The following RRP7A variants were observed in gnomAD, a reference collection of about 807,000 sequenced individuals.
RRP7A encodes the protein ribosomal RNA processing 7 homolog A.
A neutral mutation model predicts 38.4 loss-of-function variants in RRP7A; 27 were observed. That is an observed-to-expected ratio of 0.70 (90% confidence interval 0.52 to 0.97). The LOEUF is 0.97. Ranked by LOEUF, RRP7A falls within the 50% of genes least tolerant of loss-of-function variation. The pLI is 0.00. For synonymous variants in RRP7A, 124 were observed against 150.3 expected (o/e 0.83, Z 1.28); for missense variants, 327 against 375.4 (o/e 0.87, Z 1.07).
rs529516307 is a variant in RRP7A, at chr22:42,509,571, T to C, written c.*3339A>G. Among the ~76,000 whole-genome samples the C allele has an allele frequency of 2.7e-5, 4 of 150,274 alleles. No individual in the cohort carries two copies. Among genetic ancestry groups the C allele is most frequent in the Admixed American group, 6.7e-5 (1 of 14,842 alleles). On this transcript the variant is annotated 3_prime_UTR_variant, in exon 7 of 7. Coordinates refer to ENST00000323013, the MANE Select transcript of RRP7A (RefSeq NM_015703.5). ...TGCTCTCCATCTCCTGACCTCATGA[T>C]CCGCCTGCCTCGGCCTCCCAGTGTT...
At chr22:42,516,179 C>T in intron 2 of RRP7A, 43 bp from the exon 3 acceptor site, 5 of 1,607,720 alleles carry the variant, frequency 3.1e-6, no homozygotes, top group Non-Finnish European at 4.2e-6. Context: ...ATCCGCAGGG[C>T]CATCCCAAAG....
intron 5 of RRP7A, 56 bp from the exon 6 acceptor site, chr22:42,514,360 C>T (rs1487242136): frequency 2.4e-5 from 30 of 1,253,856 alleles, no homozygotes; most frequent in African/African-American, 4.4e-5. Context: ...TCCAGCAGCG[C>T]GCCCTCCACG....
chr22:42,517,968 A>G (rs1236555869), intron 2 of RRP7A, 37 bp downstream of exon 2: 1 of 1,601,988 alleles, frequency 6.2e-7, no homozygotes, highest in Non-Finnish European at 8.5e-7. Flanking sequence ...CCCCACCTTG[A>G]GCCCACAGGT....
At chr22:42,517,420 C>T (rs1209433621) in intron 2 of RRP7A, among the ~76,000 whole-genome samples, 5 of 149,794 alleles carry the variant, frequency 3.3e-5, no homozygotes, top group Admixed American at 6.7e-5. Context: ...CTTATACTTT[C>T]CTACTTTTAA....
rs746702386 is a variant in RRP7A at position 42,508,998 on chromosome 22, C to T, written c.*3912G>A. On this transcript the variant is annotated 3_prime_UTR_variant, in exon 7 of 7. Coordinates refer to ENST00000323013, the MANE Select transcript of RRP7A (RefSeq NM_015703.5). Reference sequence around the variant, plus strand: ...CCACGAGAGTGCCTGTGCCTTGTGACGAGAATTCACCATGTTTTTGTCTCT... The same window carrying T: ...CCACGAGAGTGCCTGTGCCTTGTGATGAGAATTCACCATGTTTTTGTCTCT... 3.7e-5 allele frequency: 60 copies of T among 1,612,582 alleles called. No homozygotes were observed. The highest frequency in any genetic ancestry group is 4.4e-5 in the Non-Finnish European group (52 of 1,178,864).
intron 2 of RRP7A, 39 bp downstream of exon 2, chr22:42,517,966 T>G (rs1920935320): frequency 2.5e-6 from 4 of 1,600,912 alleles, no homozygotes; most frequent in Non-Finnish European, 3.4e-6. Flanking sequence ...GCCCCCACCT[T>G]GAGCCCACAG....
chr22:42,516,123 C>T lies in RRP7A; in HGVS notation c.230G>A (p.Arg77His), dbSNP rs142219748. 3.8e-5 allele frequency: 62 copies of T among 1,612,948 alleles called. No individual in the cohort carries two copies. Among genetic ancestry groups the T allele is most frequent in the African/African-American group, 1.9e-4 (14 of 74,922 alleles). Reference sequence around the variant, plus strand: ...GACGAGGCCACAGGTGGACAGGAGGCGGGACAGGCTCTCCTGCCGCAGGGA... The same window carrying T: ...GACGAGGCCACAGGTGGACAGGAGGTGGGACAGGCTCTCCTGCCGCAGGGA... ...PPYCTEESLS[R>H]LLSTCGLVQS... Residue 77 changes from arginine (R) to histidine (H), a missense_variant, in exon 3 of 7, where the codon CGC becomes CAC. By Grantham distance (29) the Arg-to-His change is conservative. Coordinates refer to ENST00000323013, the MANE Select transcript of RRP7A (RefSeq NM_015703.5).
chr22:42,509,011 T>C lies in RRP7A; in HGVS notation c.*3899A>G, dbSNP rs747597226. The stretch of plus-strand genomic sequence containing the variant: ...TGTGCCTTGTGACGAGAATTCACCA[T>C]GTTTTTGTCTCTGCAGGCAGAGAAC... On this transcript the variant is annotated 3_prime_UTR_variant, in exon 7 of 7. Transcript: ENST00000323013. 12 of 1,612,228 alleles carry C rather than the reference T, an allele frequency of 7.4e-6. No individual in the cohort carries two copies. Among genetic ancestry groups the C allele is most frequent in the Non-Finnish European group, 3.4e-6 (4 of 1,178,428 alleles).
chr22:42,515,701 A>G (rs1920927678), intron 3 of RRP7A, among the ~76,000 whole-genome samples: 1 of 152,130 alleles, frequency 6.6e-6, no homozygotes, highest in Non-Finnish European at 1.5e-5. Context: ...CCCGGCCCCC[A>G]AGCCTGGGGA....
intron 1 of RRP7A, 35 bp downstream of exon 1, chr22:42,519,679 G>C: frequency 7.0e-7 from 1 of 1,434,488 alleles, no homozygotes; most frequent in Non-Finnish European, 9.2e-7. Context: ...GGCGATGCCT[G>C]ACCGCCCCCG....
intron 1 of RRP7A, among the ~76,000 whole-genome samples, 173 bp downstream of exon 1, chr22:42,519,541 C>T (rs1920942045): frequency 6.6e-6 from 1 of 152,116 alleles, no homozygotes; most frequent in South Asian, 2.1e-4. Context: ...AAGGGCGCCG[C>T]CTGGGTCCTC....
chr22:42,514,442 T>C (rs1392071800), intron 5 of RRP7A, 138 bp from the exon 6 acceptor site: 2 of 783,628 alleles, frequency 2.6e-6, no homozygotes, highest in Admixed American at 2.7e-5. Context: ...CAGCACAGTG[T>C]TGGGGCTAAG....
Position 42,513,014 on chromosome 22 carries a change from G to A in RRP7A, c.758-19C>T, listed in dbSNP as rs749497128. On this transcript the variant is annotated intron_variant, in intron 6 of 6. Coordinates refer to ENST00000323013, the MANE Select transcript of RRP7A (RefSeq NM_015703.5). ...GCTAGATCTGGGGGTGAGAGGAGGC[G>A]CGGGGCAGGGTCAGACAGCGCGCCC... 1.8e-5 allele frequency: 29 copies of A among 1,604,382 alleles called. No homozygotes were observed. The highest frequency in any genetic ancestry group is 6.7e-5 in the Admixed American group (4 of 59,558).
chr22:42,516,028 G>T lies in RRP7A; in HGVS notation c.325C>A (p.His109Asn). 1 of 1,604,488 alleles carries T rather than the reference G, an allele frequency of 6.2e-7. No homozygotes were observed. Among genetic ancestry groups the T allele is most frequent in the Non-Finnish European group, 8.5e-7 (1 of 1,173,858 alleles). ...CGGCTCACCGGAACTGGCTTGGGAT[G>T]AAAAAACTTCGACCTTGACTCCTTT... is the stretch of plus-strand genomic sequence containing the variant. The part of the protein sequence containing the change: ...SPKESRSKFF[H>N]PKPVPGFQVA... Residue 109 changes from histidine to asparagine, a missense_variant, in exon 3 of 7, where the codon CAT becomes AAT. Around this residue, in one of 5 missense-constraint regions of RRP7A, gnomAD observed 183 missense variants for 141.8 expected, o/e 1.29. Coordinates refer to ENST00000323013, the MANE Select transcript of RRP7A (RefSeq NM_015703.5).
rs1255811233 is a variant in RRP7A, at chr22:42,508,422, A to G, written c.*4488T>C. Among the ~76,000 whole-genome samples, 1 of 141,346 alleles carries G rather than the reference A, an allele frequency of 7.1e-6. No homozygotes were observed. Among genetic ancestry groups the G allele is most frequent in the Admixed American group, 6.7e-5 (1 of 14,830 alleles). 92.7% of individuals were successfully genotyped at this position (141,346 alleles called of 152,430 possible). On this transcript the variant is annotated 3_prime_UTR_variant, in exon 7 of 7. Transcript: ENST00000323013. ...ATAAAGCTTGATTGCATTATTTTGCATGCTGTTTTCCAAATCCAGCTTCGT... is the reference window on the plus strand; with the variant it reads ...ATAAAGCTTGATTGCATTATTTTGCGTGCTGTTTTCCAAATCCAGCTTCGT...
At chr22:42,516,393 T>C in intron 2 of RRP7A, 1 of 515,340 alleles carries the variant, frequency 1.9e-6, no homozygotes, top group Non-Finnish European at 3.7e-6. Flanking sequence ...TCCTGCAACC[T>C]CCACCTTCGG....
chr22:42,510,495 G>A lies in RRP7A; in HGVS notation c.*2415C>T. On this transcript the variant is annotated 3_prime_UTR_variant, in exon 7 of 7. Transcript: ENST00000323013. Reference sequence around the variant, plus strand: ...AGCCTCAAATCCAACCCAGGGTCAAGGGACCCAGCTGTGGGAGTTGGGGTA... The same window carrying A: ...AGCCTCAAATCCAACCCAGGGTCAAAGGACCCAGCTGTGGGAGTTGGGGTA... The A allele has an allele frequency of 2.7e-6, 1 of 373,314 alleles. No individual in the cohort carries two copies. The highest frequency in any genetic ancestry group is 5.1e-5 in the East Asian group (1 of 19,766). The allele number at this position is 373,314 out of a possible 1,614,324, so 23.1% of individuals were successfully genotyped here.
chr22:42,512,463 A>C lies in RRP7A; in HGVS notation c.*447T>G. The stretch of plus-strand genomic sequence containing the variant: ...CCAGGGCTGCTGTCTCCTGGCTAAT[A>C]ATCTCCAGCCAGCTGGAGGAAGGAA... On this transcript the variant is annotated 3_prime_UTR_variant, in exon 7 of 7. Transcript: ENST00000323013. 1 of 581,644 alleles carries C rather than the reference A, an allele frequency of 1.7e-6. No homozygotes were observed. Among genetic ancestry groups the C allele is most frequent in the East Asian group, 3.0e-5 (1 of 33,586 alleles). The allele number at this position is 581,644 out of a possible 1,614,324, so 36.0% of individuals were successfully genotyped here. A position where few individuals can be genotyped will look rare whatever the true frequency, so the allele number is the denominator to read the frequency against.
rs200069118 is a variant in RRP7A at position 42,509,420 on chromosome 22, C to T, written c.*3490G>A. Among the ~76,000 whole-genome samples, 32 of 150,662 alleles carry T rather than the reference C, an allele frequency of 2.1e-4. No homozygotes were observed. In the East Asian group the frequency reaches 2.2e-3, roughly 10 times the overall value. On this transcript the variant is annotated 3_prime_UTR_variant, in exon 7 of 7. Coordinates refer to ENST00000323013, the MANE Select transcript of RRP7A (RefSeq NM_015703.5). ...CAGTCTCGACTCACTGCAACCTCTG[C>T]CTCCTGGATTCAAACGATTCTCCTG...
Sources: gnomAD v4.1 joint callset for allele counts (sites outside exome capture counted in the v4.1 genomes callset) on GRCh38, gnomAD v4.1.1 for gene constraint, gnomAD v4.1.1 regional missense constraint, MANE v1.5 for transcripts, NCBI Gene and HGNC (gene_info 2026-07-23, HGNC 2026-07-21) for gene names.